Variants in GPC3 observed in about 807,000 individuals in gnomAD.
The protein encoded by GPC3 is glypican-3.
A neutral mutation model predicts 34.4 loss-of-function variants in GPC3; 3 were observed. The ratio of observed to expected loss-of-function variants is 0.09; its 90% CI spans 0.04 to 0.23. GPC3 has a LOEUF of 0.23. GPC3 is among the 10% of genes least tolerant of loss of function. The pLI is 1.00. For missense variants in GPC3, 351 were observed against 445.6 expected, an observed-to-expected ratio of 0.79 and a Z score of 1.91; for synonymous variants, 177 against 174.0, an observed-to-expected ratio of 1.02 and a Z score of -0.13.
chrX:133,781,234 A>C, intron 2 of GPC3, among the ~76,000 whole-genome samples: 1 of 112,118 alleles, frequency 8.9e-6, no homozygotes, highest in Non-Finnish European at 1.9e-5. Context: ...TCTCAGTCTC[A>C]TTTCCTTCAC....
intron 6 of GPC3, among the ~76,000 whole-genome samples, chrX:133,636,823 GCTT>G (rs1014037186): frequency 2.7e-5 from 3 of 111,123 alleles, no homozygotes; most frequent in Non-Finnish European, 5.7e-5. Context: ...GATTTGCATG[GCTT>G]CTCACTAGCA....
intron 7 of GPC3, among the ~76,000 whole-genome samples, chrX:133,569,896 G>GT (rs11396937): frequency 0.046 from 4,735 of 102,047 alleles, 261 homozygotes; most frequent in African/African-American, 0.15. Flanking sequence ...AAAAGAATGG[G>GT]TTTTTTTTTT....
At chrX:133,853,748 A>C (rs1351998291) in intron 2 of GPC3, among the ~76,000 whole-genome samples, 2 of 112,303 alleles carry the variant, frequency 1.8e-5, no homozygotes, top group African/African-American at 6.5e-5. Flanking sequence ...AAGAGAGTGT[A>C]AGAAGTGCAA....
intron 2 of GPC3, among the ~76,000 whole-genome samples, chrX:133,916,246 G>T (rs912886707): frequency 2.7e-5 from 3 of 110,513 alleles, no homozygotes; most frequent in African/African-American, 9.9e-5. Flanking sequence ...TAATAATACG[G>T]AAAAAATGTT....
chrX:133,646,508 T>C (rs2070546616), intron 6 of GPC3, among the ~76,000 whole-genome samples: 1 of 111,681 alleles, frequency 9.0e-6, no homozygotes, highest in African/African-American at 3.3e-5. Flanking sequence ...AGTTTCCCAA[T>C]ATCTAGCTAT....
intron 3 of GPC3, among the ~76,000 whole-genome samples, chrX:133,731,889 A>G (rs1334237413): frequency 8.9e-6 from 1 of 112,167 alleles, no homozygotes; most frequent in Non-Finnish European, 1.9e-5. Context: ...AGCTCCCCCA[A>G]TAGATGTCTT....
At chrX:133,901,511 G>A (rs2076143769) in intron 2 of GPC3, among the ~76,000 whole-genome samples, 1 of 110,946 alleles carries the variant, frequency 9.0e-6, no homozygotes, top group African/African-American at 3.3e-5. Flanking sequence ...CACGGTCTCG[G>A]CTCACTGCAA....
intron 2 of GPC3, among the ~76,000 whole-genome samples, chrX:133,826,368 G>A (rs1431778141): frequency 9.0e-6 from 1 of 111,661 alleles, no homozygotes; most frequent in South Asian, 3.7e-4. Context: ...AAACTAAATA[G>A]AAATTCTGGA....
chrX:133,919,112 A>G (rs1440299008), intron 2 of GPC3, among the ~76,000 whole-genome samples: 1 of 111,687 alleles, frequency 9.0e-6, no homozygotes, highest in Non-Finnish European at 1.9e-5. Context: ...CCCACCACCA[A>G]GAACATTCTA....
At chrX:133,904,472 C>G (rs547729085) in intron 2 of GPC3, among the ~76,000 whole-genome samples, 33 of 111,976 alleles carry the variant, frequency 2.9e-4, no homozygotes, top group African/African-American at 1.0e-3. Context: ...TCTGAGAGGT[C>G]AGAAATGGGA....
At position 133,754,363 on chromosome X, in the gene GPC3, A is replaced by G. The variant is rs1314550913; in HGVS notation, c.338-187T>C. Among the ~76,000 whole-genome samples, 3 of 111,320 alleles carry G rather than the reference A, an allele frequency of 2.7e-5. No homozygotes were observed. The Admixed American group carries it at 2.9e-4, about 11-fold the overall frequency. On this transcript the variant is annotated intron_variant, in intron 2 of 7. Transcript: ENST00000370818. ...TGCAGTTGTTTGCTCCTATAAATCA[A>G]TTTTCCTTTCTGAACATGAAGTCCA...
intron 7 of GPC3, among the ~76,000 whole-genome samples, chrX:133,588,291 G>A (rs1248632587): frequency 9.0e-6 from 1 of 111,121 alleles, no homozygotes; most frequent in Non-Finnish European, 1.9e-5. Flanking sequence ...TCCTGGACTT[G>A]TTACCAACAG....
chrX:133,808,048 C>T lies in GPC3; in HGVS notation c.338-53872G>A, dbSNP rs1025650093. On this transcript the variant is annotated intron_variant, in intron 2 of 7. Coordinates refer to ENST00000370818, the MANE Select transcript of GPC3 (RefSeq NM_004484.4). ...ATGCATTTCTGCTGGACCAAAGCAACATCAGAATAAACATAAGACAACGCT... is the reference window on the plus strand; with the variant it reads ...ATGCATTTCTGCTGGACCAAAGCAATATCAGAATAAACATAAGACAACGCT... 4.4e-5 allele frequency among the ~76,000 whole-genome samples: 5 copies of T among 112,554 alleles called. No individual in the cohort carries two copies. In the Admixed American group the frequency reaches 4.7e-4, roughly 11 times the overall value.
intron 2 of GPC3, among the ~76,000 whole-genome samples, chrX:133,878,051 T>C (rs2076024527): frequency 8.9e-6 from 1 of 112,284 alleles, no homozygotes; most frequent in South Asian, 3.7e-4. Context: ...AACTTACTTT[T>C]TTTCTCTATT....
intron 1 of GPC3, among the ~76,000 whole-genome samples, chrX:133,979,834 AT>A (rs1275855095): frequency 9.0e-6 from 1 of 111,279 alleles, no homozygotes; most frequent in Non-Finnish European, 1.9e-5. Context: ...TGAGTGGGAG[AT>A]TTTTCTGCCC....
At chrX:133,548,597 G>C (rs1478219910) in intron 7 of GPC3, among the ~76,000 whole-genome samples, 1 of 111,332 alleles carries the variant, frequency 9.0e-6, no homozygotes, top group African/African-American at 3.3e-5. Flanking sequence ...AAGATGAATA[G>C]CCTCCCTAAG....
intron 2 of GPC3, among the ~76,000 whole-genome samples, chrX:133,815,948 T>G (rs2075689469): frequency 8.9e-6 from 1 of 111,852 alleles, no homozygotes; most frequent in Non-Finnish European, 1.9e-5. Flanking sequence ...AGCATTATTC[T>G]CCTCCCTGTG....
At chrX:133,873,156 G>A (rs756187293) in intron 2 of GPC3, among the ~76,000 whole-genome samples, 3 of 112,028 alleles carry the variant, frequency 2.7e-5, no homozygotes, top group Non-Finnish European at 3.8e-5. Flanking sequence ...GGTAACAGAC[G>A]GCTAAGACCT....
intron 2 of GPC3, among the ~76,000 whole-genome samples, chrX:133,914,219 C>T (rs2076213381): frequency 9.0e-6 from 1 of 111,374 alleles, no homozygotes; most frequent in African/African-American, 3.3e-5. Context: ...ATCCCTATAA[C>T]AAGCAAGGTC....
Sources: allele counts gnomAD v4.1 joint callset (sites outside exome capture counted in the v4.1 genomes callset), GRCh38; gene constraint gnomAD v4.1.1; transcripts MANE v1.5; gene names NCBI Gene and HGNC (gene_info 2026-07-23, HGNC 2026-07-21).